The following PDE11A variants were observed in gnomAD, a reference collection of about 807,000 sequenced individuals.
PDE11A encodes phosphodiesterase 11A, also known as dual 3',5'-cyclic-AMP and -GMP phosphodiesterase 11A.
A neutral mutation model predicts 100.5 loss-of-function variants in PDE11A; 100 were observed. That is an observed-to-expected ratio of 1.00 (90% CI 0.85 to 1.18). The LOEUF (loss-of-function observed/expected upper bound fraction) is 1.18. Among genes scored for constraint, PDE11A ranks in the 50% most tolerant of loss-of-function variants. The pLI, the probability that PDE11A is intolerant of heterozygous loss-of-function variation, is 0.00. For synonymous variants in PDE11A, 381 were observed against 420.8 expected (o/e 0.91, Z 1.16); for missense variants, 1,141 against 1,152.6 (o/e 0.99, Z 0.15).
intron 2 of PDE11A, among the ~76,000 whole-genome samples, chr2:178,078,748 CTT>C (rs1378945196): frequency 6.6e-6 from 1 of 152,062 alleles, no homozygotes; most frequent in Non-Finnish European, 1.5e-5. Flanking sequence ...GAGATTCGAA[CTT>C]AGTAGAATAT....
chr2:177,965,372 G>A (rs1411661194), intron 2 of PDE11A, among the ~76,000 whole-genome samples: 1 of 151,906 alleles, frequency 6.6e-6, no homozygotes, highest in Non-Finnish European at 1.5e-5. Flanking sequence ...TCCTTAATTA[G>A]TTCCCATTTG....
At chr2:177,674,068 T>C (rs968310195) in intron 17 of PDE11A, among the ~76,000 whole-genome samples, 1 of 152,176 alleles carries the variant, frequency 6.6e-6, no homozygotes, top group South Asian at 2.1e-4. Flanking sequence ...GCTTGCATCA[T>C]TTAAAAATGC....
chr2:177,701,841 G>C (rs1574059541), intron 13 of PDE11A, among the ~76,000 whole-genome samples: 1 of 152,258 alleles, frequency 6.6e-6, no homozygotes, highest in East Asian at 1.9e-4. Flanking sequence ...TCTCAGTGTG[G>C]AACTCTGAAA....
chr2:177,668,339 T>C (rs1056746539), intron 18 of PDE11A, among the ~76,000 whole-genome samples: 1 of 152,164 alleles, frequency 6.6e-6, no homozygotes, highest in Non-Finnish European at 1.5e-5. Context: ...TATTTGAAAG[T>C]AGATATGACA....
intron 19 of PDE11A, among the ~76,000 whole-genome samples, chr2:177,635,612 C>T (rs1527399): frequency 6.6e-6 from 1 of 152,068 alleles, no homozygotes; most frequent in African/African-American, 2.4e-5. Context: ...GGATACAAAA[C>T]GGTACAAAGG....
At chr2:177,806,162 G>A (rs1393541679) in intron 9 of PDE11A, among the ~76,000 whole-genome samples, 1 of 152,152 alleles carries the variant, frequency 6.6e-6, no homozygotes, top group African/African-American at 2.4e-5. Flanking sequence ...ACAGGAATTT[G>A]CTGTGAAATT....
chr2:178,091,400 T>C (rs1013657451), intron 2 of PDE11A, among the ~76,000 whole-genome samples: 2 of 152,120 alleles, frequency 1.3e-5, no homozygotes, highest in African/African-American at 4.8e-5. Context: ...TAACATATTA[T>C]CCCTATGATA....
intron 5 of PDE11A, among the ~76,000 whole-genome samples, chr2:177,852,323 CAA>C (rs1424679757): frequency 1.3e-5 from 2 of 152,160 alleles, no homozygotes; most frequent in African/African-American, 2.4e-5. Flanking sequence ...GCCAGAGAGG[CAA>C]AGAGTCAGGA....
At chr2:177,824,868 A>G (rs1000185735) in intron 6 of PDE11A, among the ~76,000 whole-genome samples, 2 of 152,196 alleles carry the variant, frequency 1.3e-5, no homozygotes, top group African/African-American at 4.8e-5. Context: ...TGGGTATACA[A>G]AAGCATATTA....
intron 1 of PDE11A, among the ~76,000 whole-genome samples, chr2:178,015,841 C>T (rs776314336): frequency 6.6e-6 from 1 of 152,036 alleles, no homozygotes; most frequent in Non-Finnish European, 1.5e-5. Context: ...ACTAAAAATG[C>T]TCCAAGGTAG....
At chr2:177,685,647 C>T (rs779418727) in intron 15 of PDE11A, among the ~76,000 whole-genome samples, 1 of 152,096 alleles carries the variant, frequency 6.6e-6, no homozygotes, top group South Asian at 2.1e-4. Context: ...CGCAATCTGC[C>T]TCCTGGGTTC....
intron 9 of PDE11A, among the ~76,000 whole-genome samples, chr2:177,773,497 T>TAAATTTCATGGGCCACATCTTAGACCTA (rs1291241399): frequency 2.6e-5 from 4 of 152,258 alleles, no homozygotes. Context: ...TCATGATTCT[T>TAAATTTCATGGGCCACATCTTAGACCTA]AAATTTCATG....
intron 1 of PDE11A, among the ~76,000 whole-genome samples, chr2:178,027,490 A>T (rs996993137): frequency 4.6e-5 from 7 of 152,314 alleles, no homozygotes; most frequent in African/African-American, 1.7e-4. Flanking sequence ...GATAGGCAAC[A>T]TACACCAGCC....
intron 1 of PDE11A, among the ~76,000 whole-genome samples, chr2:178,057,093 G>A (rs1397458305): frequency 3.9e-5 from 6 of 152,162 alleles, no homozygotes; most frequent in Admixed American, 3.9e-4. Context: ...GGACTCTGAA[G>A]CATGATAGAT....
chr2:178,082,665 G>A (rs1399882112), intron 2 of PDE11A, among the ~76,000 whole-genome samples: 3 of 152,214 alleles, frequency 2.0e-5, no homozygotes, highest in Non-Finnish European at 2.9e-5. Flanking sequence ...TCAGCTTTAT[G>A]TCCCTTCGTG....
intron 19 of PDE11A, among the ~76,000 whole-genome samples, chr2:177,660,049 T>C (rs5015686): frequency 0.81 from 109,539 of 134,998 alleles, 43,580 homozygotes; most frequent in East Asian, 0.91. Context: ...CTTTCTTTCT[T>C]TCTTTCTTTC....
chr2:177,898,832 C>T (rs1021828576), intron 3 of PDE11A, among the ~76,000 whole-genome samples: 3 of 152,176 alleles, frequency 2.0e-5, no homozygotes, highest in African/African-American at 7.2e-5. Context: ...ATTGCTATAA[C>T]TCATACACCG....
intron 1 of PDE11A, among the ~76,000 whole-genome samples, chr2:178,055,174 AG>A (rs1559056510): frequency 6.6e-6 from 1 of 152,334 alleles, no homozygotes; most frequent in Middle Eastern, 3.4e-3. Context: ...GCCATAAAAA[AG>A]GATGAGTTCA....
Position 177,957,910 on chromosome 2 carries a change from C to CTTTTTTTTTTTTTT in PDE11A, c.1072-52724_1072-52723insAAAAAAAAAAAAAA, listed in dbSNP as rs748839068. Among the ~76,000 whole-genome samples, 22 of 114,456 alleles carry CTTTTTTTTTTTTTT rather than the reference C, an allele frequency of 1.9e-4. 7 individuals are homozygous for CTTTTTTTTTTTTTT. Among genetic ancestry groups the CTTTTTTTTTTTTTT allele is most frequent in the African/African-American group, 2.4e-4 (6 of 24,666 alleles). 75.1% of individuals were successfully genotyped at this position (114,456 alleles called of 152,430 possible). ...TCCTTTACCTTTGTTTTTCCAATGC[C>CTTTTTTTTTTTTTT]TTTTTTTTGAGACGGAGTCTCTTGC... On this transcript the variant is annotated intron_variant, in intron 2 of 19. Transcript: ENST00000286063.
Sources: gnomAD v4.1 joint callset for allele counts (sites outside exome capture counted in the v4.1 genomes callset) on GRCh38, gnomAD v4.1.1 for gene constraint, MANE v1.5 for transcripts, NCBI Gene and HGNC (gene_info 2026-07-23, HGNC 2026-07-21) for gene names.